EDAR: variants seen among roughly 807,000 people sequenced by gnomAD.
EDAR encodes ectodysplasin A receptor.
A neutral mutation model predicts 51.3 loss-of-function variants in EDAR; 38 were observed. That is an observed-to-expected ratio of 0.74 (90% CI 0.57 to 0.97). The LOEUF is 0.97. Among genes scored for constraint, EDAR ranks in the 50% least tolerant of loss-of-function variants. The pLI is 0.00. For synonymous variants in EDAR, 227 were observed against 242.1 expected, an observed-to-expected ratio of 0.94 and a Z score of 0.58; for missense variants, 528 against 595.0, an observed-to-expected ratio of 0.89 and a Z score of 1.17.
chr2:108,945,934 T>G (rs779421483), intron 1 of EDAR, among the ~76,000 whole-genome samples: 1 of 152,218 alleles, frequency 6.6e-6, no homozygotes, highest in Non-Finnish European at 1.5e-5. Flanking sequence ...GCCTATTCTA[T>G]CCTATGCTTC....
At chr2:108,965,766 G>A (rs1698140288) in intron 1 of EDAR, among the ~76,000 whole-genome samples, 1 of 152,136 alleles carries the variant, frequency 6.6e-6, no homozygotes, top group Non-Finnish European at 1.5e-5. Context: ...GTGGTGGGGG[G>A]CTGGGGTTTT....
At chr2:108,966,513 G>A (rs1698153509) in intron 1 of EDAR, among the ~76,000 whole-genome samples, 1 of 152,240 alleles carries the variant, frequency 6.6e-6, no homozygotes, top group African/African-American at 2.4e-5. Context: ...TGTGGTCTCA[G>A]CCATACCCTG....
At chr2:108,968,143 G>A (rs10779899) in intron 1 of EDAR, among the ~76,000 whole-genome samples, 120,402 of 152,092 alleles carry the variant, frequency 0.79, 48,330 homozygotes, top group East Asian at 0.97. Flanking sequence ...TGGGGAAGGC[G>A]CCGTCATTGT....
At chr2:108,942,376 C>T (rs952511863) in intron 1 of EDAR, among the ~76,000 whole-genome samples, 3 of 152,168 alleles carry the variant, frequency 2.0e-5, no homozygotes, top group African/African-American at 4.8e-5. Flanking sequence ...GAAAGGCTGG[C>T]GATGGCTGGG....
chr2:108,948,154 A>G (rs1250882350), intron 1 of EDAR, among the ~76,000 whole-genome samples: 6 of 152,228 alleles, frequency 3.9e-5, no homozygotes, highest in African/African-American at 9.6e-5. Context: ...GCAAAATGCC[A>G]CCAGTCTCTT....
chr2:108,908,058 G>A (rs767895024), intron 9 of EDAR, 39 bp from the exon 10 acceptor site: 1 of 1,571,598 alleles, frequency 6.4e-7, no homozygotes, highest in Non-Finnish European at 8.7e-7. Context: ...CAGTGCCTGG[G>A]GGGGCTGCAG....
At chr2:108,974,343 A>AG (rs1698286591) in intron 1 of EDAR, among the ~76,000 whole-genome samples, 1 of 150,184 alleles carries the variant, frequency 6.7e-6, no homozygotes, top group East Asian at 2.0e-4. Flanking sequence ...AAAAAAAAAA[A>AG]AAAAAAAAAA....
chr2:108,986,482 G>A (rs75402135), intron 1 of EDAR, among the ~76,000 whole-genome samples: 2,492 of 152,208 alleles, frequency 0.016, 70 homozygotes, highest in East Asian at 0.092. Context: ...TGGAGGCAGA[G>A]GACACAGGTT....
chr2:108,957,995 T>C (rs1697957985), intron 1 of EDAR, among the ~76,000 whole-genome samples: 1 of 152,204 alleles, frequency 6.6e-6, no homozygotes, highest in African/African-American at 2.4e-5. Context: ...AAAATGTTTG[T>C]CTTTAAGCAG....
chr2:108,969,336 TG>T (rs1031125697), intron 1 of EDAR, among the ~76,000 whole-genome samples: 1 of 152,190 alleles, frequency 6.6e-6, no homozygotes, highest in African/African-American at 2.4e-5. Flanking sequence ...TTCTTGGTCT[TG>T]TTCTTGCTGC....
chr2:108,907,977 C>T lies in EDAR; in HGVS notation c.846G>A (p.Arg282=). 1 of 1,612,292 alleles carries T rather than the reference C, an allele frequency of 6.2e-7. No individual in the cohort carries two copies. The highest frequency in any genetic ancestry group is 8.5e-7 in the Non-Finnish European group (1 of 1,178,794). Residue 282 remains arginine (R), a synonymous_variant, in exon 10 of 12, where the codon CGG becomes CGA. Transcript: ENST00000258443. ...CGGGCTCCTCATCACTGTCGACGCT[C>T]CGGCTCAGCAGCTGCTCATTCTCGG... ...ASSENEQLLS[R]SVDSDEEPAP... is the part of the protein sequence containing the mutation.
Position 108,920,256 on chromosome 2 carries a change from T to A in EDAR, c.442+3112A>T, listed in dbSNP as rs115365929. 8.2e-3 allele frequency among the ~76,000 whole-genome samples: 1,242 copies of A among 152,300 alleles called. 14 individuals carry two copies. The highest frequency in any genetic ancestry group is 0.029 in the African/African-American group (1,202 of 41,560). On this transcript the variant is annotated intron_variant, in intron 5 of 11. Coordinates refer to ENST00000258443, the MANE Select transcript of EDAR (RefSeq NM_022336.4). ...CATGCATCGCCCACGTCATCACATC[T>A]TTCCTCCCAACAATCATGTCCCCAT...
At chr2:108,917,886 T>C (rs1211403740) in intron 5 of EDAR, among the ~76,000 whole-genome samples, 2 of 152,136 alleles carry the variant, frequency 1.3e-5, no homozygotes, top group Non-Finnish European at 2.9e-5. Context: ...AGAGGTTGGA[T>C]AATCAGCCCT....
At chr2:108,925,334 C>T (rs1697232066) in intron 4 of EDAR, among the ~76,000 whole-genome samples, 1 of 152,270 alleles carries the variant, frequency 6.6e-6, no homozygotes, top group Non-Finnish European at 1.5e-5. Flanking sequence ...TCTGCCCATC[C>T]TAGTTCACAC....
chr2:108,949,047 G>A (rs1018130897), intron 1 of EDAR, among the ~76,000 whole-genome samples: 2 of 152,136 alleles, frequency 1.3e-5, no homozygotes, highest in African/African-American at 4.8e-5. Context: ...TACAATCATG[G>A]CTTCACTGCA....
chr2:108,943,581 G>A (rs1697650518), intron 1 of EDAR, among the ~76,000 whole-genome samples: 1 of 152,174 alleles, frequency 6.6e-6, no homozygotes, highest in Non-Finnish European at 1.5e-5. Context: ...GTGTGACATG[G>A]GGCAGTCACC....
chr2:108,902,990 T>C (rs1437519924), intron 11 of EDAR, among the ~76,000 whole-genome samples: 1 of 152,298 alleles, frequency 6.6e-6, no homozygotes, highest in Admixed American at 6.5e-5. Flanking sequence ...ATTATCTATG[T>C]AGAAAATCCC....
At chr2:108,916,137 T>C (rs1697023786) in intron 5 of EDAR, among the ~76,000 whole-genome samples, 1 of 152,114 alleles carries the variant, frequency 6.6e-6, no homozygotes, top group South Asian at 2.1e-4. Flanking sequence ...CATCATGGCA[T>C]AGTTTCCAGC....
chr2:108,984,186 T>C (rs1698461552), intron 1 of EDAR, among the ~76,000 whole-genome samples: 1 of 152,150 alleles, frequency 6.6e-6, no homozygotes, highest in East Asian at 1.9e-4. Context: ...ATTCCTCTCC[T>C]GCCACCCTTC....
Sources: gnomAD v4.1 joint callset for allele counts (sites outside exome capture counted in the v4.1 genomes callset) on GRCh38, gnomAD v4.1.1 for gene constraint, MANE v1.5 for transcripts, NCBI Gene and HGNC (gene_info 2026-07-23, HGNC 2026-07-21) for gene names.